The following CSMD3 variants were observed in gnomAD, a reference collection of about 807,000 sequenced individuals.
CSMD3 encodes CUB and Sushi multiple domains 3.
A neutral mutation model predicts 435.2 loss-of-function variants in CSMD3; 177 were observed. The ratio of observed to expected loss-of-function variants is 0.41; its 90% CI spans 0.36 to 0.46. The LOEUF is 0.46. Among genes scored for constraint, CSMD3 ranks in the 20% least tolerant of loss-of-function variants. The pLI is 0.34. For missense variants in CSMD3, 4,265 were observed against 4,504.6 expected, an observed-to-expected ratio of 0.95 and a Z score of 1.52; for synonymous variants, 1,656 against 1,520.5, an observed-to-expected ratio of 1.09 and a Z score of -2.07.
In CSMD3 at chr8:112,255,323, A is replaced by G. The variant is rs199798986; in HGVS notation, c.9967T>C (p.Leu3323=). ...CATATTCTGGTGCTTGATCCCACTA[A>G]TATGAAAGGAAAATTGCAGCTGAAT... ...VSFSCNFPFI[L]VGSSTRICQA... is the part of the protein sequence containing the mutation. Residue 3323 remains leucine (L), a synonymous_variant, in exon 62 of 71, where the codon TTA becomes CTA. Transcript: ENST00000297405. 1.1e-4 allele frequency: 171 copies of G among 1,613,574 alleles called. No individual in the cohort carries two copies. Among genetic ancestry groups the G allele is most frequent in the Non-Finnish European group, 1.4e-4 (162 of 1,179,776 alleles).
intron 32 of CSMD3, among the ~76,000 whole-genome samples, chr8:112,455,599 A>G (rs773036476): frequency 3.5e-3 from 136 of 38,426 alleles, no homozygotes; most frequent in African/African-American, 8.6e-3. Flanking sequence ...AAGTAAATAA[A>G]TAAATAAATA....
rs376576551 is a variant in CSMD3, at chr8:112,526,466, C to T, written c.4565-9241G>A. Among the ~76,000 whole-genome samples, 56 of 152,116 alleles carry T rather than the reference C, an allele frequency of 3.7e-4. No individual in the cohort carries two copies. The East Asian group carries it at 0.01, about 28-fold the overall frequency. The stretch of plus-strand genomic sequence containing the variant: ...ACACCACTTAGTTCAATTATTTCAA[C>T]TGCATATAAAAATATTTGTATATTT... On this transcript the variant is annotated intron_variant, in intron 27 of 70. Transcript: ENST00000297405.
rs527243863 is a variant in CSMD3, at chr8:112,971,191, G to A, written c.1342+4646C>T. Among the ~76,000 whole-genome samples the A allele has an allele frequency of 2.0e-5, 3 of 152,188 alleles. No individual in the cohort carries two copies. In the East Asian group the frequency reaches 5.8e-4, roughly 29 times the overall value. ...TTTTTTATTTAAAGTTATGTAGACCGCTCTATGGCATTGATTGTATTGTTC... is the reference window on the plus strand; with the variant it reads ...TTTTTTATTTAAAGTTATGTAGACCACTCTATGGCATTGATTGTATTGTTC... On this transcript the variant is annotated intron_variant, in intron 7 of 70. Coordinates refer to ENST00000297405, the MANE Select transcript of CSMD3 (RefSeq NM_198123.2).
intron 4 of CSMD3, among the ~76,000 whole-genome samples, chr8:113,111,102 T>C (rs1172989700): frequency 6.6e-6 from 1 of 152,142 alleles, no homozygotes; most frequent in Admixed American, 6.5e-5. Flanking sequence ...GTATGAATTT[T>C]GGGGGAACAT....
chr8:112,236,797 T>C lies in CSMD3; in HGVS notation c.10627+393A>G, dbSNP rs548268881. On this transcript the variant is annotated intron_variant, in intron 67 of 70. Coordinates refer to ENST00000297405, the MANE Select transcript of CSMD3 (RefSeq NM_198123.2). ...ATTTGTCTTAAATATTGGATGTCCA[T>C]CTATAAACATGGTCATTTGAAGAAA... Among the ~76,000 whole-genome samples the C allele has an allele frequency of 5.3e-5, 8 of 152,246 alleles. No individual in the cohort carries two copies. The South Asian group carries it at 1.4e-3, about 28-fold the overall frequency.
intron 7 of CSMD3, among the ~76,000 whole-genome samples, chr8:112,974,064 C>T (rs994080447): frequency 6.6e-6 from 1 of 151,856 alleles, no homozygotes; most frequent in Admixed American, 6.6e-5. Context: ...AGGTATCAAT[C>T]TCTCAAACAG....
At chr8:112,547,957 T>C (rs1827334790) in intron 27 of CSMD3, among the ~76,000 whole-genome samples, 2 of 152,108 alleles carry the variant, frequency 1.3e-5, no homozygotes, top group African/African-American at 2.4e-5. Flanking sequence ...TAGGATGAAA[T>C]AGATTTATCT....
intron 5 of CSMD3, among the ~76,000 whole-genome samples, chr8:113,047,445 C>A (rs2131311708): frequency 6.6e-6 from 1 of 152,150 alleles, no homozygotes. Context: ...TTCAGTTATC[C>A]AAAGTCAACC....
At chr8:112,244,171 G>T (rs1390374671) in intron 65 of CSMD3, among the ~76,000 whole-genome samples, 59 of 152,028 alleles carry the variant, frequency 3.9e-4, no homozygotes, top group Non-Finnish European at 4.4e-5. Context: ...TTTGAAGATA[G>T]AATTAAGGCA....
intron 4 of CSMD3, among the ~76,000 whole-genome samples, chr8:113,150,956 G>A (rs1475325501): frequency 6.6e-6 from 1 of 151,888 alleles, no homozygotes; most frequent in East Asian, 1.9e-4. Context: ...CATTAAAAAT[G>A]TGCAGAAAAT....
intron 3 of CSMD3, among the ~76,000 whole-genome samples, chr8:113,185,375 T>G (rs570757148): frequency 2.6e-5 from 4 of 152,086 alleles, no homozygotes; most frequent in Admixed American, 6.6e-5. Context: ...ATCATTATAC[T>G]GGCTTACTCC....
intron 5 of CSMD3, among the ~76,000 whole-genome samples, chr8:113,055,762 T>A (rs1017273184): frequency 6.6e-6 from 1 of 152,164 alleles, no homozygotes; most frequent in Non-Finnish European, 1.5e-5. Context: ...CAGAGTTTCT[T>A]GAGTATATCT....
At chr8:113,280,161 T>C (rs908759739) in intron 2 of CSMD3, among the ~76,000 whole-genome samples, 9 of 151,804 alleles carry the variant, frequency 5.9e-5, no homozygotes, top group African/African-American at 1.4e-4. Context: ...GTTTTGGTAT[T>C]AGGATGATGC....
intron 44 of CSMD3, among the ~76,000 whole-genome samples, chr8:112,336,110 A>G (rs950808034): frequency 1.3e-5 from 2 of 151,926 alleles, no homozygotes; most frequent in Admixed American, 6.6e-5. Flanking sequence ...GAGTCTCACT[A>G]TGTTGCCCAG....
chr8:113,248,354 A>G (rs563656345), intron 3 of CSMD3, among the ~76,000 whole-genome samples: 2 of 150,750 alleles, frequency 1.3e-5, no homozygotes, highest in South Asian at 4.2e-4. Context: ...TCTATTGTAT[A>G]TAACACATAC....
intron 24 of CSMD3, among the ~76,000 whole-genome samples, chr8:112,566,598 G>A (rs1448764391): frequency 6.6e-6 from 1 of 152,096 alleles, no homozygotes; most frequent in African/African-American, 2.4e-5. Context: ...CTAACAAAGA[G>A]CAGCTTATAA....
intron 36 of CSMD3, 21 bp downstream of exon 36, chr8:112,390,643 G>A (rs972143394): frequency 2.5e-6 from 4 of 1,602,514 alleles, no homozygotes; most frequent in African/African-American, 2.7e-5. Context: ...ATGAAAAGAA[G>A]AAAAACTTAA....
At chr8:112,812,462 G>T (rs983800784) in intron 12 of CSMD3, among the ~76,000 whole-genome samples, 5 of 152,108 alleles carry the variant, frequency 3.3e-5, no homozygotes, top group Admixed American at 3.3e-4. Context: ...CAAAGTCAAA[G>T]GTCAAAACAC....
chr8:112,568,441 A>C (rs2131279856), intron 24 of CSMD3, among the ~76,000 whole-genome samples: 1 of 152,158 alleles, frequency 6.6e-6, no homozygotes. Flanking sequence ...AAAAATACAA[A>C]AAAATTAGCC....
Sources: gnomAD v4.1 joint callset for allele counts (sites outside exome capture counted in the v4.1 genomes callset) on GRCh38, gnomAD v4.1.1 for gene constraint, MANE v1.5 for transcripts, NCBI Gene and HGNC (gene_info 2026-07-23, HGNC 2026-07-21) for gene names.